PCDH15: variants seen among roughly 807,000 people sequenced by gnomAD.
PCDH15 encodes the protein protocadherin-15.
A neutral mutation model predicts 178.5 loss-of-function variants in PCDH15; 129 were observed. That is an observed-to-expected ratio of 0.72 (90% CI 0.63 to 0.84). The LOEUF (loss-of-function observed/expected upper bound fraction) is 0.84. PCDH15 is among the 40% of genes least tolerant of loss of function. PCDH15 has a pLI of 0.00. For synonymous variants in PCDH15, 800 were observed against 732.0 expected (o/e 1.09, Z -1.50); for missense variants, 2,230 against 2,099.9 (o/e 1.06, Z -1.21).
At chr10:53,821,545 G>A in intron 32 of PCDH15, 3 of 1,091,328 alleles carry the variant, frequency 2.7e-6, no homozygotes, top group Non-Finnish European at 3.4e-6. Context: ...ACATGCCTTT[G>A]GTTTAAGTTG....
intron 3 of PCDH15, among the ~76,000 whole-genome samples, chr10:54,485,681 T>C (rs1392868965): frequency 2.0e-5 from 3 of 151,806 alleles, no homozygotes; most frequent in Non-Finnish European, 4.4e-5. Flanking sequence ...ACAGATGGAG[T>C]TGCTTTTTAC....
intron 2 of PCDH15, among the ~76,000 whole-genome samples, chr10:55,133,477 T>C (rs995570903): frequency 1.3e-5 from 2 of 152,148 alleles, no homozygotes; most frequent in Non-Finnish European, 2.9e-5. Flanking sequence ...TTCCTTTTTT[T>C]ATTCTCCATC....
intron 26 of PCDH15, among the ~76,000 whole-genome samples, chr10:53,891,497 T>C (rs1215128530): frequency 6.6e-6 from 1 of 152,166 alleles, no homozygotes; most frequent in Non-Finnish European, 1.5e-5. Flanking sequence ...AAATTTCTAA[T>C]ACTGCTAGAG....
At position 54,933,615 on chromosome 10, in the gene PCDH15, A is replaced by G. The variant is rs1837835519; in HGVS notation, c.-79-36115T>C. Among the ~76,000 whole-genome samples the G allele has an allele frequency of 3.9e-5, 6 of 152,170 alleles. No homozygotes were observed. In the South Asian group the frequency reaches 1.2e-3, roughly 31 times the overall value. ...AAGCTAATTGCCAGTTTGAGATTTA[A>G]CAAATCCACTTGTTTGCCTTAATTA... is the stretch of plus-strand genomic sequence containing the variant. On this transcript the variant is annotated intron_variant, in intron 2 of 5. Coordinates refer to the PCDH15 transcript ENST00000458638.
intron 2 of PCDH15, among the ~76,000 whole-genome samples, chr10:54,533,468 TAGAC>T (rs1565526116): frequency 1.3e-5 from 2 of 152,074 alleles, no homozygotes. Context: ...CTCACAATAA[TAGAC>T]AAAGTAAAGT....
At chr10:55,314,969 G>A (rs1315642901) in intron 1 of PCDH15, among the ~76,000 whole-genome samples, 2 of 152,034 alleles carry the variant, frequency 1.3e-5, no homozygotes, top group African/African-American at 4.8e-5. Context: ...AATACCTGGT[G>A]ATTCATAATG....
intron 2 of PCDH15, among the ~76,000 whole-genome samples, chr10:55,528,151 C>T (rs916773408): frequency 5.3e-5 from 8 of 152,068 alleles, no homozygotes; most frequent in South Asian, 2.1e-4. Flanking sequence ...ATCCTCCCAT[C>T]TTAGCCTCTG....
intron 3 of PCDH15, among the ~76,000 whole-genome samples, chr10:54,492,523 G>A: frequency 6.6e-6 from 1 of 152,074 alleles, no homozygotes; most frequent in South Asian, 2.1e-4. Context: ...TGCTTTCCAT[G>A]GTTTCAGTTG....
intron 2 of PCDH15, among the ~76,000 whole-genome samples, chr10:55,434,302 C>T (rs1838977518): frequency 6.6e-6 from 1 of 151,750 alleles, no homozygotes; most frequent in East Asian, 1.9e-4. Context: ...GTGATCCGCC[C>T]TCCTTGGCCT....
At chr10:53,962,154 C>T (rs2088415193) in intron 21 of PCDH15, among the ~76,000 whole-genome samples, 1 of 152,152 alleles carries the variant, frequency 6.6e-6, no homozygotes, top group Admixed American at 6.6e-5. Context: ...TGGGCATCTT[C>T]TCTACCACTT....
intron 28 of PCDH15, among the ~76,000 whole-genome samples, chr10:53,846,051 A>ACAC (rs1564598575): frequency 2.0e-5 from 2 of 100,346 alleles, no homozygotes; most frequent in African/African-American, 3.9e-5. Flanking sequence ...CACACACACA[A>ACAC]ACAAAAAAAG....
At chr10:54,801,435 T>C (rs1293389552), upstream of PCDH15, 2 of 152,236 alleles carry the variant, frequency 1.3e-5, no homozygotes, top group Non-Finnish European at 2.9e-5. Flanking sequence ...AAAAGACAAA[T>C]TGATGTCCAC....
At chr10:54,177,586 C>A (rs373141257) in intron 13 of PCDH15, among the ~76,000 whole-genome samples, 1 of 151,328 alleles carries the variant, frequency 6.6e-6, no homozygotes, top group African/African-American at 2.4e-5. Flanking sequence ...TAAAACTGCT[C>A]AAAAAAAATC....
intron 4 of PCDH15, among the ~76,000 whole-genome samples, chr10:54,372,251 G>C (rs1324242879): frequency 2.0e-5 from 3 of 151,728 alleles, no homozygotes; most frequent in Non-Finnish European, 4.4e-5. Flanking sequence ...ACTTGGAGTG[G>C]TACCACTGGG....
At chr10:53,822,297 A>AGAGG in intron 32 of PCDH15, 2 of 1,612,174 alleles carry the variant, frequency 1.2e-6, no homozygotes, top group Non-Finnish European at 1.7e-6. Flanking sequence ...TGGAGGTAGA[A>AGAGG]GAGGTGGTGT....
chr10:55,401,594 C>CTGTGTGTGTGTGTGTGTGTGTGTG (rs3074786), intron 2 of PCDH15, among the ~76,000 whole-genome samples: 7 of 133,180 alleles, frequency 5.3e-5, no homozygotes, highest in African/African-American at 1.5e-4. Context: ...ATTTGCCTTA[C>CTGTGTGTGTGTGTGTGTGTGTGTG]TGTGTGTGTG....
At chr10:55,358,407 T>C (rs570313401) in intron 2 of PCDH15, among the ~76,000 whole-genome samples, 39 of 152,208 alleles carry the variant, frequency 2.6e-4, no homozygotes, top group Admixed American at 2.4e-3. Context: ...GCAAACAATA[T>C]GCCAATCATT....
At chr10:55,073,959 G>A (rs1841815060) in intron 2 of PCDH15, among the ~76,000 whole-genome samples, 1 of 151,910 alleles carries the variant, frequency 6.6e-6, no homozygotes. Context: ...GAGAACATGT[G>A]GTGTTTGGTT....
chr10:54,105,505 AG>A (rs2094903091), intron 15 of PCDH15, among the ~76,000 whole-genome samples: 1 of 151,970 alleles, frequency 6.6e-6, no homozygotes, highest in Non-Finnish European at 1.5e-5. Context: ...CCAATGTTCA[AG>A]GGCAGGAAGC....
Sources: allele counts gnomAD v4.1 joint callset (sites outside exome capture counted in the v4.1 genomes callset), GRCh38; gene constraint gnomAD v4.1.1; transcripts MANE v1.5; gene names NCBI Gene and HGNC (gene_info 2026-07-23, HGNC 2026-07-21).